Variants in IMPA2 observed in about 807,000 individuals in gnomAD.
The protein encoded by IMPA2 is inositol monophosphatase 2, also known as IMP 2.
A neutral mutation model predicts 35.1 loss-of-function variants in IMPA2; 32 were observed. The ratio of observed to expected loss-of-function variants is 0.91; its 90% CI spans 0.69 to 1.23. The LOEUF is 1.23. Among genes scored for constraint, IMPA2 ranks in the 50% most tolerant of loss-of-function variants. IMPA2 has a pLI of 0.00. For missense variants in IMPA2, 334 were observed against 387.6 expected (o/e 0.86, Z 1.16); for synonymous variants, 135 against 160.6 (o/e 0.84, Z 1.20).
intron 2 of IMPA2, among the ~76,000 whole-genome samples, chr18:12,002,968 G>T (rs1316284040): frequency 6.6e-6 from 1 of 151,822 alleles, no homozygotes; most frequent in Non-Finnish European, 1.5e-5. Context: ...CGAGGCGGGT[G>T]GATCACCTGA....
At chr18:12,014,018 T>C (rs551149151) in intron 4 of IMPA2, among the ~76,000 whole-genome samples, 2 of 152,342 alleles carry the variant, frequency 1.3e-5, no homozygotes, top group African/African-American at 4.8e-5. Flanking sequence ...ATTTTTAAAG[T>C]TTTGTTTGTC....
chr18:12,008,485 C>T (rs1598696203), intron 2 of IMPA2: 2 of 471,240 alleles, frequency 4.2e-6, no homozygotes, highest in South Asian at 3.0e-5. Flanking sequence ...CCAAGAGTGT[C>T]AAAAGCACTG....
At chr18:12,027,717 A>G (rs1907921319) in intron 5 of IMPA2, among the ~76,000 whole-genome samples, 1 of 151,642 alleles carries the variant, frequency 6.6e-6, no homozygotes, top group Non-Finnish European at 1.5e-5. Flanking sequence ...CTGCAACTAC[A>G]GGCCTGTGCC....
chr18:11,996,544 C>T (rs368788973), intron 1 of IMPA2, among the ~76,000 whole-genome samples: 1 of 152,116 alleles, frequency 6.6e-6, no homozygotes, highest in African/African-American at 2.4e-5. Flanking sequence ...GTTCAGAACC[C>T]ACCACCACCT....
In IMPA2 at chr18:11,981,885, G is replaced by A. The variant is rs527426090; in HGVS notation, c.96+120G>A. ...GCGGGCGCCCAGGGTCCGCACCCGA[G>A]GGCGCGGGGCGCGGAGCGGTGAAAG... On this transcript the variant is annotated intron_variant, in intron 1 of 7. Coordinates refer to ENST00000269159, the MANE Select transcript of IMPA2 (RefSeq NM_014214.3). 809 of 533,756 alleles carry A rather than the reference G, an allele frequency of 1.5e-3. 7 individuals are homozygous for A. Among genetic ancestry groups the A allele is most frequent in the African/African-American group, 0.015 (760 of 50,960 alleles). 33.1% of individuals were successfully genotyped at this position (533,756 alleles called of 1,614,324 possible).
chr18:12,028,555 T>A (rs1907947277), intron 6 of IMPA2: 1 of 473,494 alleles, frequency 2.1e-6, no homozygotes, highest in East Asian at 3.6e-5. Flanking sequence ...TGACACTTAA[T>A]GTCACGTTCA....
chr18:12,018,319 T>A (rs1907637952), intron 5 of IMPA2: 1 of 152,338 alleles, frequency 6.6e-6, no homozygotes, highest in Non-Finnish European at 1.5e-5. Context: ...ATGGGTCATG[T>A]CCTCTCTCTG....
At chr18:11,982,364 T>C (rs1451680410) in intron 1 of IMPA2, among the ~76,000 whole-genome samples, 1 of 152,230 alleles carries the variant, frequency 6.6e-6, no homozygotes, top group East Asian at 1.9e-4. Flanking sequence ...CTCTCTTCTC[T>C]TTTTCATTTT....
chr18:12,029,009 C>G lies in IMPA2; in HGVS notation c.751+16C>G. ...GACACTTCGGGTGAGCTCTCCTGTC[C>G]CTGAAATGCAGCGGCAGAAACTAGA... On this transcript the variant is annotated intron_variant, in intron 7 of 7. Transcript: ENST00000269159. 6.2e-7 allele frequency: 1 copy of G among 1,610,042 alleles called. No homozygotes were observed.
At chr18:12,017,132 G>A (rs979839535) in intron 5 of IMPA2, among the ~76,000 whole-genome samples, 5 of 152,174 alleles carry the variant, frequency 3.3e-5, no homozygotes, top group Admixed American at 6.5e-5. Flanking sequence ...TAGAGGTAAA[G>A]GATTAGAAGA....
chr18:12,011,290 G>A (rs58672585), intron 3 of IMPA2, among the ~76,000 whole-genome samples: 2,270 of 152,284 alleles, frequency 0.015, 44 homozygotes, highest in African/African-American at 0.036. Context: ...TATAGCTGTG[G>A]TGATTGTTGT....
intron 1 of IMPA2, among the ~76,000 whole-genome samples, chr18:11,984,853 A>G (rs1247867201): frequency 7.7e-6 from 1 of 129,140 alleles, no homozygotes; most frequent in African/African-American, 2.5e-5. Context: ...CTGTAGTCCC[A>G]GCTACTCAGG....
At chr18:12,008,393 G>T (rs781767673) in intron 2 of IMPA2, 6 of 518,582 alleles carry the variant, frequency 1.2e-5, no homozygotes. Flanking sequence ...AAAACCTCTC[G>T]GCAAGGCCAC....
intron 5 of IMPA2, among the ~76,000 whole-genome samples, chr18:12,027,206 G>T (rs549149898): frequency 6.6e-6 from 1 of 152,184 alleles, no homozygotes; most frequent in Non-Finnish European, 1.5e-5. Context: ...GCTGTGTTTG[G>T]GTGTGTGGCA....
Position 12,028,042 on chromosome 18 carries a change from G to T in IMPA2, c.491-1G>T. On this transcript the variant is annotated splice_acceptor_variant, in intron 5 of 7. Transcript: ENST00000269159. LOFTEE classifies it high-confidence loss of function. ...GTGACAGGAAATTCTTTTTATTGCA[G>T]ATCTCTCAAAGGCCTTGGTTCTGAC... 1.2e-6 allele frequency: 2 copies of T among 1,606,568 alleles called. No homozygotes were observed. Among genetic ancestry groups the T allele is most frequent in the Non-Finnish European group, 1.7e-6 (2 of 1,173,294 alleles).
chr18:12,022,555 A>ATATATATATATATATATATATATG (rs1339221248), intron 5 of IMPA2, among the ~76,000 whole-genome samples: 2 of 138,162 alleles, frequency 1.4e-5, no homozygotes, highest in Admixed American at 7.4e-5. Flanking sequence ...ATATATATAT[A>ATATATATATATATATATATATATG]TTTGTGTGTG....
chr18:11,987,087 C>T (rs1206136149), intron 1 of IMPA2, among the ~76,000 whole-genome samples: 3 of 152,218 alleles, frequency 2.0e-5, no homozygotes, highest in African/African-American at 7.2e-5. Context: ...CCTTGGGTCG[C>T]TGCTGTGGAG....
At chr18:11,992,545 A>C (rs1906846978) in intron 1 of IMPA2, among the ~76,000 whole-genome samples, 1 of 152,104 alleles carries the variant, frequency 6.6e-6, no homozygotes, top group Non-Finnish European at 1.5e-5. Flanking sequence ...GTTGATGGTG[A>C]CCTTTCCTTT....
intron 5 of IMPA2, among the ~76,000 whole-genome samples, chr18:12,014,636 C>T (rs1265530978): frequency 4.6e-5 from 7 of 152,060 alleles, no homozygotes; most frequent in South Asian, 2.1e-4. Flanking sequence ...GTACTCCAGT[C>T]GCAGTCACGA....
Sources: allele counts gnomAD v4.1 joint callset (sites outside exome capture counted in the v4.1 genomes callset), GRCh38; gene constraint gnomAD v4.1.1; transcripts MANE v1.5; gene names NCBI Gene and HGNC (gene_info 2026-07-23, HGNC 2026-07-21).